Variants in ASXL1 observed in about 807,000 individuals in gnomAD.
The protein encoded by ASXL1 is polycomb group protein ASXL1.
A neutral mutation model predicts 89.1 loss-of-function variants in ASXL1; 65 were observed. The observed-to-expected ratio is 0.73, with a 90% confidence interval of 0.60 to 0.90. The LOEUF (loss-of-function observed/expected upper bound fraction) is 0.90, where lower values mean the gene tolerates loss of function less well. Ranked by LOEUF, ASXL1 falls within the 40% of genes least tolerant of loss-of-function variation. ASXL1 has a pLI of 0.00. For synonymous variants in ASXL1, 739 were observed against 746.9 expected, an observed-to-expected ratio of 0.99 and a Z score of 0.17; for missense variants, 1,786 against 1,942.9, an observed-to-expected ratio of 0.92 and a Z score of 1.52.
At chr20:32,367,245 G>A (rs993721980) in intron 2 of ASXL1, among the ~76,000 whole-genome samples, 4 of 152,152 alleles carry the variant, frequency 2.6e-5, no homozygotes, top group African/African-American at 7.2e-5. Context: ...GCATGGTGAC[G>A]CATGCCTGTA....
In ASXL1 at chr20:32,437,157, C is replaced by T. The variant is rs779918659; in HGVS notation, c.4445C>T (p.Ala1482Val). ...CTGAGCCACAAAGCAAACTTTGGTG[C>T]GAGCCACAGTGCATCACTTTCCTTG... ...VQLSHKANFGASHSASLSLQM... is the reference protein window; with the variant it reads ...VQLSHKANFGVSHSASLSLQM... Residue 1482 changes from alanine (A) to valine (V), a missense_variant, in exon 13 of 13, where the codon GCG (alanine) becomes GTG (valine). This residue lies in a region of ASXL1 where 1,418 missense variants were observed against 1,427.8 expected (regional missense o/e 0.99). Transcript: ENST00000375687. 12 of 1,614,186 alleles carry T rather than the reference C, an allele frequency of 7.4e-6. No homozygotes were observed. Among genetic ancestry groups the T allele is most frequent in the East Asian group, 6.7e-5 (3 of 44,880 alleles).
chr20:32,428,649 A>G (rs1281031962), intron 6 of ASXL1: 52 of 176,934 alleles, frequency 2.9e-4, no homozygotes, highest in African/African-American at 1.9e-3. Flanking sequence ...GATTTTGTTC[A>G]TTCTTTTTTT....
rs568063586 is a variant in ASXL1 at position 32,433,066 on chromosome 20, T to G, written c.1085+81T>G. ...ATGGTCTCAAAATAGCATATACTTA[T>G]GTGTTGGACAAGAATGTGGAGATTG... On this transcript the variant is annotated intron_variant, in intron 11 of 12. Coordinates refer to ENST00000375687, the MANE Select transcript of ASXL1 (RefSeq NM_015338.6). The G allele has an allele frequency of 5.5e-5, 87 of 1,582,602 alleles. 1 individual carries two copies. The African/African-American group carries it at 1.0e-3, about 19-fold the overall frequency.
intron 4 of ASXL1, chr20:32,372,054 G>T: frequency 1.5e-6 from 2 of 1,295,886 alleles, no homozygotes; most frequent in Non-Finnish European, 2.1e-6. Flanking sequence ...TACCTTAAGG[G>T]CAGGAACTGA....
chr20:32,372,897 T>C (rs971884570), intron 4 of ASXL1, among the ~76,000 whole-genome samples: 1 of 150,940 alleles, frequency 6.6e-6, no homozygotes, highest in Admixed American at 6.6e-5. Flanking sequence ...CCAGCCTTCA[T>C]TATTCTTTTG....
At chr20:32,378,892 C>T (rs149194954) in intron 4 of ASXL1, among the ~76,000 whole-genome samples, 1,523 of 151,628 alleles carry the variant, frequency 0.01, 30 homozygotes, top group African/African-American at 0.035. Flanking sequence ...CTTTGGGAGG[C>T]GGAGGCGGGC....
At chr20:32,399,036 C>G (rs916382306) in intron 4 of ASXL1, among the ~76,000 whole-genome samples, 2 of 151,710 alleles carry the variant, frequency 1.3e-5, no homozygotes, top group African/African-American at 4.8e-5. Context: ...ACAGTGAAAC[C>G]CCATCTTTAC....
In ASXL1 at chr20:32,435,383, G is replaced by A. The variant is rs774520876; in HGVS notation, c.2671G>A (p.Val891Ile). The A allele has an allele frequency of 1.2e-5, 20 of 1,614,034 alleles. No homozygotes were observed. Among genetic ancestry groups the A allele is most frequent in the Middle Eastern group, 3.3e-4 (2 of 6,084 alleles). Residue 891 changes from valine (V) to isoleucine (I), a missense_variant, in exon 13 of 13, where the codon GTT becomes ATT. Val to Ile is a conservative substitution (Grantham distance 29, BLOSUM62 3). Transcript: ENST00000375687. Reference sequence around the variant, plus strand: ...AGAAAACTTGAAAACCAAGGCTCTCGTTTCTAACAGTTCTTTGCATTGGAT... The same window carrying A: ...AGAAAACTTGAAAACCAAGGCTCTCATTTCTAACAGTTCTTTGCATTGGAT... The part of the protein sequence containing the change: ...RQENLKTKAL[V>I]SNSSLHWIPI...
intron 4 of ASXL1, among the ~76,000 whole-genome samples, chr20:32,388,779 G>A (rs564900039): frequency 2.6e-5 from 4 of 152,164 alleles, no homozygotes; most frequent in African/African-American, 9.6e-5. Flanking sequence ...GTCTCTTTAA[G>A]ATAGTGATTA....
rs2011708565 is a variant in ASXL1 at position 32,434,903 on chromosome 20, CT to C, written c.2192del (p.Leu731HisfsTer13). 1 of 1,614,084 alleles carries C rather than the reference CT, an allele frequency of 6.2e-7. No homozygotes were observed. Among genetic ancestry groups the C allele is most frequent in the Non-Finnish European group, 8.5e-7 (1 of 1,180,032 alleles). On this transcript the variant is annotated frameshift_variant, in exon 13 of 13. Transcript: ENST00000375687. LOFTEE classifies it low-confidence loss of function (END_TRUNC). ...TTCTCTGAGAAAGGAGGAAAGCTGC[CT>C]ACTACAGAGGGCTACAGTTGGACTC... ...LPSLRKEESC[L>X]LQRATVGLTD... is the part of the protein sequence containing the mutation.
chr20:32,427,020 A>C (rs2011331396), intron 4 of ASXL1: 1 of 152,150 alleles, frequency 6.6e-6, no homozygotes, highest in Non-Finnish European at 1.5e-5. Context: ...CAGAATCATG[A>C]CTTTATCAAC....
At chr20:32,405,270 T>G (rs1216584764) in intron 4 of ASXL1, among the ~76,000 whole-genome samples, 1 of 152,024 alleles carries the variant, frequency 6.6e-6, no homozygotes, top group Non-Finnish European at 1.5e-5. Context: ...CCACCATGCC[T>G]GGCTAATTTT....
chr20:32,374,483 A>AG (rs149881900), intron 4 of ASXL1, among the ~76,000 whole-genome samples: 3,219 of 151,980 alleles, frequency 0.021, 114 homozygotes, highest in African/African-American at 0.074. Flanking sequence ...ATAGAGATGG[A>AG]GGGGGTCTCA....
intron 3 of ASXL1, among the ~76,000 whole-genome samples, chr20:32,368,518 T>C (rs2048242513): frequency 6.6e-6 from 1 of 152,230 alleles, no homozygotes; most frequent in African/African-American, 2.4e-5. Context: ...TTTTGTGTAC[T>C]TACTAGAAAA....
intron 4 of ASXL1, among the ~76,000 whole-genome samples, chr20:32,380,617 G>T (rs1305257061): frequency 6.6e-6 from 1 of 152,084 alleles, no homozygotes; most frequent in Admixed American, 6.5e-5. Context: ...AGGTGTGGTA[G>T]CCTGCATCTG....
At chr20:32,425,886 G>A (rs1240144566) in intron 4 of ASXL1, among the ~76,000 whole-genome samples, 2 of 152,092 alleles carry the variant, frequency 1.3e-5, no homozygotes, top group East Asian at 3.9e-4. Context: ...TGTATTTTTA[G>A]TAGAGACAGG....
chr20:32,375,507 T>C (rs2122878271), intron 4 of ASXL1, among the ~76,000 whole-genome samples: 1 of 152,044 alleles, frequency 6.6e-6, no homozygotes, highest in South Asian at 2.1e-4. Context: ...AATGCCGTTA[T>C]CACACTCAAG....
At chr20:32,385,336 G>T (rs2048561107) in intron 4 of ASXL1, among the ~76,000 whole-genome samples, 2 of 152,196 alleles carry the variant, frequency 1.3e-5, no homozygotes, top group Non-Finnish European at 2.9e-5. Context: ...AGCTAAATGA[G>T]TCAGTTCTCA....
chr20:32,358,843 CA>C lies in ASXL1; in HGVS notation c.57+12del, dbSNP rs1288864739. The C allele has an allele frequency of 1.3e-6, 2 of 1,507,092 alleles. No homozygotes were observed. Among genetic ancestry groups the C allele is most frequent in the Admixed American group, 2.1e-5 (1 of 46,980 alleles). 93.4% of individuals were successfully genotyped at this position (1,507,092 alleles called of 1,614,324 possible). A position where few individuals can be genotyped will look rare whatever the true frequency, so the allele number is the denominator to read the frequency against. On this transcript the variant is annotated intron_variant, in intron 1 of 12. Coordinates refer to ENST00000375687, the MANE Select transcript of ASXL1 (RefSeq NM_015338.6). ...GAGGCCGCGCGCCTGGTGAGGCGGA[CA>C]GCCGAGGGGGGCTCCGTGGGGCCCG...
Sources: gnomAD v4.1 joint callset for allele counts (sites outside exome capture counted in the v4.1 genomes callset) on GRCh38, gnomAD v4.1.1 for gene constraint, gnomAD v4.1.1 regional missense constraint, MANE v1.5 for transcripts, NCBI Gene and HGNC (gene_info 2026-07-23, HGNC 2026-07-21) for gene names.